GTF2IRD2B: variants seen among roughly 807,000 people sequenced by gnomAD.
GTF2IRD2B encodes the protein general transcription factor II-I repeat domain-containing protein 2B.
Under a neutral mutation model 55.6 loss-of-function variants are expected in GTF2IRD2B, and 10 were observed. The observed-to-expected ratio is 0.18, with a 90% CI of 0.11 to 0.31. The LOEUF (loss-of-function observed/expected upper bound fraction) is 0.31. Ranked by LOEUF, GTF2IRD2B falls within the 10% of genes least tolerant of loss-of-function variation. The pLI is 1.00. For missense variants in GTF2IRD2B, 206 were observed against 802.7 expected (o/e 0.26, Z 8.98); for synonymous variants, 107 against 320.5 (o/e 0.33, Z 7.12).
At chr7:75,131,989 C>T (rs1185242471) in intron 8 of GTF2IRD2B, among the ~76,000 whole-genome samples, 38 of 146,416 alleles carry the variant, frequency 2.6e-4, no homozygotes, top group African/African-American at 1.0e-3. Context: ...GCCAACCGCA[C>T]CCTTCTCTGA....
intron 3 of GTF2IRD2B, among the ~76,000 whole-genome samples, chr7:75,118,408 A>G (rs1441975957): frequency 6.6e-6 from 1 of 151,326 alleles, no homozygotes; most frequent in Non-Finnish European, 1.5e-5. Flanking sequence ...AGGCTTCCCC[A>G]CTATCCAGTG....
chr7:75,101,813 G>A (rs1293851719), intron 1 of GTF2IRD2B, among the ~76,000 whole-genome samples: 13 of 136,750 alleles, frequency 9.5e-5, no homozygotes, highest in African/African-American at 3.5e-4. Flanking sequence ...AGAATCGCTT[G>A]AGCCCAGAAG....
chr7:75,113,839 T>A (rs1808049810), intron 3 of GTF2IRD2B, among the ~76,000 whole-genome samples: 2 of 132,104 alleles, frequency 1.5e-5, no homozygotes, highest in Non-Finnish European at 3.2e-5. Context: ...GAGGGGTCTC[T>A]ATGGATTGGC....
chr7:75,113,624 C>T (rs1393262310), intron 3 of GTF2IRD2B, among the ~76,000 whole-genome samples: 1 of 148,940 alleles, frequency 6.7e-6, no homozygotes, highest in African/African-American at 2.5e-5. Flanking sequence ...GAGCGAGACC[C>T]GGTCTCAAGA....
intron 15 of GTF2IRD2B, among the ~76,000 whole-genome samples, chr7:75,147,469 TC>T (rs1160872730): frequency 6.6e-6 from 1 of 151,976 alleles, no homozygotes; most frequent in African/African-American, 2.4e-5. Flanking sequence ...CTTCAGGTTT[TC>T]TTTAGAAAAC....
chr7:75,136,298 G>GTT (rs55650547), intron 10 of GTF2IRD2B, among the ~76,000 whole-genome samples: 1 of 118,166 alleles, frequency 8.5e-6, no homozygotes, highest in African/African-American at 3.8e-5. Flanking sequence ...AAATGATTCT[G>GTT]TTTTTTTTTT....
At chr7:75,117,805 G>T (rs1808217940) in intron 3 of GTF2IRD2B, among the ~76,000 whole-genome samples, 1 of 152,344 alleles carries the variant, frequency 6.6e-6, no homozygotes, top group Non-Finnish European at 1.5e-5. Flanking sequence ...TATATCAGCT[G>T]GGTGTGGTGG....
intron 3 of GTF2IRD2B, among the ~76,000 whole-genome samples, chr7:75,119,195 A>G (rs1233185354): frequency 1.3e-5 from 1 of 75,354 alleles, no homozygotes; most frequent in African/African-American, 3.6e-5. Flanking sequence ...CTCTCTCAAA[A>G]AAAAAAAAAA....
rs1194088114 is a variant in GTF2IRD2B at position 75,112,679 on chromosome 7, A to T, written c.238+144A>T. 1.9e-6 allele frequency: 3 copies of T among 1,593,630 alleles called. No individual in the cohort carries two copies. The African/African-American group carries it at 4.2e-5, about 22-fold the overall frequency. ...CTTCTTGGATTCAGCTTACCAAATAAATACTGCCTAACACTGCAGAGTCCA... is the reference window on the plus strand; with the variant it reads ...CTTCTTGGATTCAGCTTACCAAATATATACTGCCTAACACTGCAGAGTCCA... On this transcript the variant is annotated intron_variant, in intron 3 of 15. Coordinates refer to ENST00000472837, the MANE Select transcript of GTF2IRD2B (RefSeq NM_001003795.3).
At chr7:75,103,107 G>A (rs1273386777) in intron 1 of GTF2IRD2B, among the ~76,000 whole-genome samples, 10 of 151,758 alleles carry the variant, frequency 6.6e-5, no homozygotes, top group East Asian at 5.8e-4. Flanking sequence ...GTGAAACCCC[G>A]TCTCTACTAA....
intron 8 of GTF2IRD2B, among the ~76,000 whole-genome samples, chr7:75,127,135 T>G (rs1554452548): frequency 6.6e-6 from 1 of 151,066 alleles, no homozygotes; most frequent in East Asian, 1.9e-4. Flanking sequence ...TGAATTAACC[T>G]CAGTGGAGCC....
Position 75,102,317 on chromosome 7 carries a change from GA to G in GTF2IRD2B, c.-5-6641del, listed in dbSNP as rs1468518232. On this transcript the variant is annotated intron_variant, in intron 1 of 15. Transcript: ENST00000472837. ...TGCCCGGCCATCACAGTCAATTTTTGAACATTTTCATCACTCTGAAACCTTT... is the reference window on the plus strand; with the variant it reads ...TGCCCGGCCATCACAGTCAATTTTTGACATTTTCATCACTCTGAAACCTTT... 1.1e-4 allele frequency among the ~76,000 whole-genome samples: 17 copies of G among 151,416 alleles called. 1 individual carries two copies. Among genetic ancestry groups the G allele is most frequent in the Non-Finnish European group, 2.5e-4 (17 of 67,802 alleles).
chr7:75,092,866 GCCCGGCCGCAGCGGGAGGTGGCCC>G (rs1243670165), intron 1 of GTF2IRD2B, 101 bp downstream of exon 1: 2 of 152,950 alleles, frequency 1.3e-5, no homozygotes, highest in African/African-American at 2.4e-5. Flanking sequence ...AAGGGAGGCC[GCCCGGCCGCAGCGGGAGGTGGCCC>G]CCCGGGACAC....
intron 9 of GTF2IRD2B, among the ~76,000 whole-genome samples, chr7:75,133,602 G>A (rs1339247002): frequency 6.7e-6 from 1 of 148,524 alleles, no homozygotes; most frequent in Non-Finnish European, 1.5e-5. Flanking sequence ...GAGTTCAGTG[G>A]CACTATTTCC....
intron 8 of GTF2IRD2B, among the ~76,000 whole-genome samples, chr7:75,132,155 T>G (rs376961546): frequency 7.0e-6 from 1 of 143,274 alleles, no homozygotes; most frequent in Middle Eastern, 3.4e-3. Context: ...GTGGATCACC[T>G]GAGGTCAGGA....
At position 75,112,554 on chromosome 7, in the gene GTF2IRD2B, T is replaced by C. The variant is rs1396449029; in HGVS notation, c.238+19T>C. Reference sequence around the variant, plus strand: ...AAATACTGTAGGTGTTTTAATTTTATCCTTTGTATTCCCAATCTCAAAAGG... The same window carrying C: ...AAATACTGTAGGTGTTTTAATTTTACCCTTTGTATTCCCAATCTCAAAAGG... On this transcript the variant is annotated intron_variant, in intron 3 of 15. Coordinates refer to ENST00000472837, the MANE Select transcript of GTF2IRD2B (RefSeq NM_001003795.3). The C allele has an allele frequency of 1.5e-5, 15 of 999,440 alleles. No homozygotes were observed. Among genetic ancestry groups the C allele is most frequent in the Non-Finnish European group, 2.2e-5 (15 of 680,256 alleles). The allele number at this position is 999,440 out of a possible 1,614,324, so 61.9% of individuals were successfully genotyped here.
intron 8 of GTF2IRD2B, among the ~76,000 whole-genome samples, chr7:75,132,752 C>A (rs1442212423): frequency 6.8e-6 from 1 of 147,492 alleles, no homozygotes; most frequent in Non-Finnish European, 1.5e-5. Context: ...AGGGTTTCAC[C>A]ATGTTAGCCA....
At chr7:75,092,856 A>C in intron 1 of GTF2IRD2B, 91 bp downstream of exon 1, 1 of 152,968 alleles carries the variant, frequency 6.5e-6, no homozygotes, top group African/African-American at 2.4e-5. Flanking sequence ...GGGCCTGGGG[A>C]AGGGAGGCCG....
Position 75,134,847 on chromosome 7 carries a change from G to A in GTF2IRD2B, c.749-154G>A, listed in dbSNP as rs185210635. The stretch of plus-strand genomic sequence containing the variant: ...CTCCCAGAGTGCTGAGATTACAGGC[G>A]TGAGTTACCGCGCGCAGCCAGTTTT... On this transcript the variant is annotated intron_variant, in intron 9 of 15. Transcript: ENST00000472837. 5.4e-5 allele frequency among the ~76,000 whole-genome samples: 8 copies of A among 148,982 alleles called. 1 individual carries two copies. The highest frequency in any genetic ancestry group is 2.1e-4 in the South Asian group (1 of 4,828).
Sources: allele counts gnomAD v4.1 joint callset (sites outside exome capture counted in the v4.1 genomes callset), GRCh38; gene constraint gnomAD v4.1.1; transcripts MANE v1.5; gene names NCBI Gene and HGNC (gene_info 2026-07-23, HGNC 2026-07-21).